Variants in BMP5 observed in about 807,000 individuals in gnomAD.
BMP5 encodes the protein bone morphogenetic protein 5.
Under a neutral mutation model 46.6 loss-of-function variants are expected in BMP5, and 23 were observed. That is an observed-to-expected ratio of 0.49 (90% CI 0.35 to 0.70). BMP5 has a LOEUF of 0.70. BMP5 is among the 30% of genes least tolerant of loss of function. BMP5 has a pLI of 0.00. For synonymous variants in BMP5, 204 were observed against 191.9 expected (o/e 1.06, Z -0.52); for missense variants, 545 against 565.6 (o/e 0.96, Z 0.37).
At chr6:55,755,782 A>G in intron 6 of BMP5, 100 bp from the exon 7 acceptor site, 2 of 1,159,572 alleles carry the variant, frequency 1.7e-6, no homozygotes, top group Non-Finnish European at 1.3e-6. Flanking sequence ...AATCAGGCAC[A>G]CCATTAAGCT....
rs183401928 is a variant in BMP5, at chr6:55,852,555, T to C, written c.490+21821A>G. On this transcript the variant is annotated intron_variant, in intron 1 of 6. Transcript: ENST00000370830. Reference sequence around the variant, plus strand: ...TTGGTATGTAATATTTTCATCATAGTCTCTGAGTGCTCTTTACATAGAAGA... The same window carrying C: ...TTGGTATGTAATATTTTCATCATAGCCTCTGAGTGCTCTTTACATAGAAGA... Among the ~76,000 whole-genome samples, 477 of 152,152 alleles carry C rather than the reference T, an allele frequency of 3.1e-3. 2 individuals are homozygous for C. The highest frequency in any genetic ancestry group is 0.021 in the South Asian group (99 of 4,824).
intron 4 of BMP5, among the ~76,000 whole-genome samples, chr6:55,761,222 C>T (rs1408174510): frequency 6.6e-6 from 1 of 152,052 alleles, no homozygotes; most frequent in Non-Finnish European, 1.5e-5. Context: ...TGCTCTCACG[C>T]CCTTCATAAT....
chr6:55,758,986 C>T lies in BMP5; in HGVS notation c.1215+19G>A, dbSNP rs750263775. On this transcript the variant is annotated intron_variant, in intron 6 of 6. Transcript: ENST00000370830. ...CTTGCATTCTAAGCTTTTCTTAATCCTTCAAAAACAAAGCTTACCAGAGTC... is the reference window on the plus strand; with the variant it reads ...CTTGCATTCTAAGCTTTTCTTAATCTTTCAAAAACAAAGCTTACCAGAGTC... The T allele has an allele frequency of 2.7e-6, 4 of 1,503,454 alleles. No individual in the cohort carries two copies. In the African/African-American group the frequency reaches 5.5e-5, roughly 21 times the overall value. The allele number at this position is 1,503,454 out of a possible 1,614,324, so 93.1% of individuals were successfully genotyped here. A position where few individuals can be genotyped will look rare whatever the true frequency, so the allele number is the denominator to read the frequency against.
chr6:55,868,596 C>T (rs1277316327), intron 1 of BMP5, among the ~76,000 whole-genome samples: 1 of 151,970 alleles, frequency 6.6e-6, no homozygotes. Context: ...TCTTTTTAAA[C>T]ATTGTACATT....
Position 55,843,628 on chromosome 6 carries a change from T to G in BMP5, c.491-23781A>C, listed in dbSNP as rs183862882. 5.8e-3 allele frequency among the ~76,000 whole-genome samples: 878 copies of G among 152,174 alleles called. 12 individuals are homozygous for G. The highest frequency in any genetic ancestry group is 0.02 in the African/African-American group (828 of 41,558). ...AAAGCAACTATAGATCTATTATTATTCCAATTTTATGGTGGAGTAATCTGA... is the reference window on the plus strand; with the variant it reads ...AAAGCAACTATAGATCTATTATTATGCCAATTTTATGGTGGAGTAATCTGA... On this transcript the variant is annotated intron_variant, in intron 1 of 6. Coordinates refer to ENST00000370830, the MANE Select transcript of BMP5 (RefSeq NM_021073.4).
chr6:55,780,649 T>C (rs546863206), intron 3 of BMP5, among the ~76,000 whole-genome samples: 82 of 152,104 alleles, frequency 5.4e-4, no homozygotes, highest in Non-Finnish European at 1.0e-3. Context: ...GAAGATACTG[T>C]CGTGCCCCAC....
At chr6:55,768,308 A>AT (rs1774966140) in intron 4 of BMP5, among the ~76,000 whole-genome samples, 1 of 151,948 alleles carries the variant, frequency 6.6e-6, no homozygotes, top group South Asian at 2.1e-4. Flanking sequence ...TTGACTTAAG[A>AT]TTTTTTAAAT....
intron 2 of BMP5, among the ~76,000 whole-genome samples, chr6:55,802,229 C>A (rs1024373898): frequency 2.0e-5 from 3 of 152,088 alleles, no homozygotes; most frequent in Non-Finnish European, 4.4e-5. Flanking sequence ...CTCTAGTGTC[C>A]ATGGCAATAG....
At chr6:55,811,125 A>T (rs7741189) in intron 2 of BMP5, among the ~76,000 whole-genome samples, 1 of 152,158 alleles carries the variant, frequency 6.6e-6, no homozygotes. Flanking sequence ...AGAGCCCAGG[A>T]AATCTTCCTG....
chr6:55,842,441 A>AGG (rs1776984835), intron 1 of BMP5, among the ~76,000 whole-genome samples: 1 of 152,240 alleles, frequency 6.6e-6, no homozygotes, highest in South Asian at 2.1e-4. Context: ...GCAGAGTCTC[A>AGG]GCCTACACAT....
At chr6:55,758,567 A>G (rs1562023074) in intron 6 of BMP5, among the ~76,000 whole-genome samples, 1 of 151,976 alleles carries the variant, frequency 6.6e-6, no homozygotes, top group East Asian at 1.9e-4. Flanking sequence ...TGTATACTAC[A>G]TTGAAGAACT....
chr6:55,869,810 G>A (rs1777737134), intron 1 of BMP5, among the ~76,000 whole-genome samples: 1 of 152,170 alleles, frequency 6.6e-6, no homozygotes, highest in African/African-American at 2.4e-5. Context: ...CCCAGTGGGT[G>A]GAGGCTGCAG....
At chr6:55,823,099 T>C (rs1348634854) in intron 1 of BMP5, among the ~76,000 whole-genome samples, 1 of 152,026 alleles carries the variant, frequency 6.6e-6, no homozygotes, top group Non-Finnish European at 1.5e-5. Flanking sequence ...GACTTAAGAA[T>C]AAGAAATTGG....
chr6:55,819,946 C>T lies in BMP5; in HGVS notation c.491-99G>A, dbSNP rs552883327. ...CCAGCTTTGAAAGAAAACAAACAAG[C>T]AGGATAGTATAAAACTGGAAAAACC... On this transcript the variant is annotated intron_variant, in intron 1 of 6. Coordinates refer to ENST00000370830, the MANE Select transcript of BMP5 (RefSeq NM_021073.4). 6 of 1,114,646 alleles carry T rather than the reference C, an allele frequency of 5.4e-6. No individual in the cohort carries two copies. The Admixed American group carries it at 8.2e-5, about 15-fold the overall frequency. 69.0% of individuals were successfully genotyped at this position (1,114,646 alleles called of 1,614,324 possible).
intron 1 of BMP5, 138 bp downstream of exon 1, chr6:55,874,238 A>G (rs1186023450): frequency 9.4e-7 from 1 of 1,064,968 alleles, no homozygotes; most frequent in East Asian, 2.6e-5. Context: ...CAATGAAAGA[A>G]AGAAAACAGA....
chr6:55,872,485 T>C (rs1240181985), intron 1 of BMP5, among the ~76,000 whole-genome samples: 2 of 151,642 alleles, frequency 1.3e-5, no homozygotes, highest in African/African-American at 4.8e-5. Flanking sequence ...ATCTGAACAA[T>C]GTAACCAAAA....
chr6:55,872,542 G>C (rs1041957665), intron 1 of BMP5, among the ~76,000 whole-genome samples: 1 of 151,402 alleles, frequency 6.6e-6, no homozygotes, highest in African/African-American at 2.4e-5. Flanking sequence ...AAAGTTATAG[G>C]AATCAATGAA....
At chr6:55,850,354 G>GCAGA (rs1777201984) in intron 1 of BMP5, among the ~76,000 whole-genome samples, 10 of 83,186 alleles carry the variant, frequency 1.2e-4, no homozygotes, top group African/African-American at 4.6e-4. Context: ...AGGTAAGTAG[G>GCAGA]TAGATAGATA....
intron 2 of BMP5, among the ~76,000 whole-genome samples, chr6:55,816,557 A>AT (rs1776274673): frequency 6.6e-6 from 1 of 152,132 alleles, no homozygotes. Context: ...TTAGATTGAG[A>AT]TTTTTTAAAA....
Sources: allele counts gnomAD v4.1 joint callset (sites outside exome capture counted in the v4.1 genomes callset), GRCh38; gene constraint gnomAD v4.1.1; transcripts MANE v1.5; gene names NCBI Gene and HGNC (gene_info 2026-07-23, HGNC 2026-07-21).